The following TLL2 variants were observed in gnomAD, a reference collection of about 807,000 sequenced individuals.
TLL2 encodes the protein tolloid-like protein 2.
In TLL2, 106 loss-of-function variants were observed where a neutral mutation model predicts 123.0. The ratio of observed to expected loss-of-function variants is 0.86; its 90% CI spans 0.74 to 1.01. TLL2 has a LOEUF of 1.01. Ranked by LOEUF, TLL2 falls within the 50% of genes least tolerant of loss-of-function variation. The pLI is 0.00. For synonymous variants in TLL2, 494 were observed against 516.8 expected (o/e 0.96, Z 0.60); for missense variants, 1,332 against 1,336.7 (o/e 1.00, Z 0.06).
chr10:96,388,895 A>ACTT (rs1411591922), intron 13 of TLL2, among the ~76,000 whole-genome samples: 1 of 152,228 alleles, frequency 6.6e-6, no homozygotes, highest in African/African-American at 2.4e-5. Context: ...CTCAATAAAA[A>ACTT]CTTATATAAA....
rs148854755 is a variant in TLL2 at position 96,461,497 on chromosome 10, C to T, written c.287-15329G>A. Among the ~76,000 whole-genome samples, 655 of 152,288 alleles carry T rather than the reference C, an allele frequency of 4.3e-3. 4 individuals are homozygous for T. The highest frequency in any genetic ancestry group is 0.014 in the African/African-American group (592 of 41,556). On this transcript the variant is annotated intron_variant, in intron 2 of 20. Coordinates refer to ENST00000357947, the MANE Select transcript of TLL2 (RefSeq NM_012465.4). ...GCTCTGCCTGAATCTGATCCCAGCA[C>T]GCCTTTCCAACTTCTCTCCCCAACT...
chr10:96,377,443 G>C (rs1393365657), intron 17 of TLL2, among the ~76,000 whole-genome samples: 1 of 152,218 alleles, frequency 6.6e-6, no homozygotes, highest in Admixed American at 6.5e-5. Context: ...TGGCATCTTG[G>C]CCAATAGCTG....
intron 1 of TLL2, 33 bp downstream of exon 1, chr10:96,513,478 C>G (rs1010677277): frequency 6.2e-7 from 1 of 1,611,004 alleles, no homozygotes; most frequent in Non-Finnish European, 8.5e-7. Flanking sequence ...CAAAGGCAAA[C>G]TTCTGCGGGA....
In TLL2 at chr10:96,366,329, GA is replaced by G. The variant is rs1846025288; in HGVS notation, c.*1758del. The G allele has an allele frequency of 2.0e-5, 3 of 152,726 alleles. No homozygotes were observed. Among genetic ancestry groups the G allele is most frequent in the African/African-American group, 7.2e-5 (3 of 41,450 alleles). 9.5% of individuals were successfully genotyped at this position (152,726 alleles called of 1,614,324 possible). A position where few individuals can be genotyped will look rare whatever the true frequency, so the allele number is the denominator to read the frequency against. On this transcript the variant is annotated 3_prime_UTR_variant, in exon 21 of 21. Transcript: ENST00000357947. ...AGGCCAAAACAGAGCTTGGTGAAAG[GA>G]GAGGCAGGAAATGGAGAGCCAGTCC... is the stretch of plus-strand genomic sequence containing the variant.
chr10:96,459,127 T>G (rs1005353981), intron 2 of TLL2, among the ~76,000 whole-genome samples: 8 of 152,172 alleles, frequency 5.3e-5, no homozygotes, highest in African/African-American at 1.9e-4. Flanking sequence ...AAGGGGTAAA[T>G]GCTATGAATG....
At chr10:96,395,493 G>A (rs1846331851) in intron 12 of TLL2, 111 bp from the exon 13 acceptor site, 3 of 1,122,112 alleles carry the variant, frequency 2.7e-6, no homozygotes, top group Non-Finnish European at 3.7e-6. Flanking sequence ...GAGGCCAAAG[G>A]ACCCAAGTGT....
intron 7 of TLL2, among the ~76,000 whole-genome samples, chr10:96,416,271 C>T (rs567736872): frequency 5.3e-5 from 8 of 152,334 alleles, no homozygotes; most frequent in African/African-American, 1.9e-4. Context: ...AAGCACCCCA[C>T]GCTACCTGGC....
At chr10:96,449,539 C>T (rs771304127) in intron 2 of TLL2, among the ~76,000 whole-genome samples, 28 of 152,176 alleles carry the variant, frequency 1.8e-4, no homozygotes, top group Non-Finnish European at 3.5e-4. Flanking sequence ...CTCATGCTTC[C>T]AGCACTGTCT....
chr10:96,396,107 C>A (rs1357768154), intron 11 of TLL2, 87 bp from the exon 12 acceptor site: 4 of 1,515,404 alleles, frequency 2.6e-6, no homozygotes, highest in Admixed American at 1.9e-5. Context: ...GGGGGAACAG[C>A]GCTTGCCACC....
chr10:96,370,450 G>T, intron 19 of TLL2, 135 bp from the exon 20 acceptor site: 2 of 1,270,374 alleles, frequency 1.6e-6, no homozygotes, highest in Non-Finnish European at 2.1e-6. Flanking sequence ...CACCCCATTT[G>T]ATGGAGGAGT....
rs771034062 is a variant in TLL2 at position 96,395,317 on chromosome 10, ACT to A, written c.1594_1595del (p.Ser532CysfsTer10). ...AGCCACAAAAGTGGCCGATCAGGGC[ACT>A]CTCTTCCGTGGGGCCATCCCGGACT... ...LEVRDGPTEE[S>X]ALIGHFCGYE... On this transcript the variant is annotated frameshift_variant, in exon 13 of 21. Transcript: ENST00000357947. LOFTEE classifies it high-confidence loss of function. The A allele has an allele frequency of 5.6e-6, 9 of 1,613,744 alleles. No individual in the cohort carries two copies. The South Asian group carries it at 8.8e-5, about 16-fold the overall frequency.
intron 5 of TLL2, 104 bp from the exon 6 acceptor site, chr10:96,422,831 A>T: frequency 7.2e-7 from 1 of 1,391,710 alleles, no homozygotes; most frequent in East Asian, 2.3e-5. Flanking sequence ...GTGCATGTAA[A>T]AGAACAGAAT....
intron 13 of TLL2, among the ~76,000 whole-genome samples, chr10:96,387,864 C>A (rs1846252614): frequency 1.3e-5 from 2 of 152,120 alleles, no homozygotes; most frequent in African/African-American, 2.4e-5. Flanking sequence ...AAAAGAAAAA[C>A]CAAAACACAT....
chr10:96,396,615 TG>T (rs1488328711), intron 11 of TLL2, among the ~76,000 whole-genome samples: 2 of 106,472 alleles, frequency 1.9e-5, no homozygotes, highest in South Asian at 6.3e-4. Flanking sequence ...GAGGGTACGG[TG>T]GGGTGGGGAA....
intron 2 of TLL2, among the ~76,000 whole-genome samples, chr10:96,471,712 G>C (rs950327529): frequency 1.3e-5 from 2 of 152,174 alleles, no homozygotes; most frequent in African/African-American, 4.8e-5. Flanking sequence ...CAGAGCCAGA[G>C]ACGCAAACTC....
chr10:96,471,167 A>G (rs1379828908), intron 2 of TLL2, among the ~76,000 whole-genome samples: 1 of 151,506 alleles, frequency 6.6e-6, no homozygotes, highest in Non-Finnish European at 1.5e-5. Context: ...CACTTGGCTA[A>G]TTTTTTTTTG....
At chr10:96,459,731 T>TATATATAG (rs1847060433) in intron 2 of TLL2, among the ~76,000 whole-genome samples, 2 of 75,900 alleles carry the variant, frequency 2.6e-5, no homozygotes, top group Non-Finnish European at 5.3e-5. Context: ...TATATATATA[T>TATATATAG]AGCAGCTAAA....
At position 96,510,065 on chromosome 10, in the gene TLL2, A is replaced by G. The variant is rs575434096; in HGVS notation, c.175+3446T>C. Among the ~76,000 whole-genome samples the G allele has an allele frequency of 2.0e-5, 3 of 152,346 alleles. No homozygotes were observed. The East Asian group carries it at 5.8e-4, about 29-fold the overall frequency. Reference sequence around the variant, plus strand: ...GTAGATGAGCAGACTGAGACATGGAAAGGTAAAATGACTTGCTCAAGGCCA... The same window carrying G: ...GTAGATGAGCAGACTGAGACATGGAGAGGTAAAATGACTTGCTCAAGGCCA... On this transcript the variant is annotated intron_variant, in intron 1 of 20. Coordinates refer to ENST00000357947, the MANE Select transcript of TLL2 (RefSeq NM_012465.4).
Position 96,387,042 on chromosome 10 carries a change from C to T in TLL2, c.1763G>A (p.Cys588Tyr). The T allele has an allele frequency of 6.2e-7, 1 of 1,613,932 alleles. No individual in the cohort carries two copies. Among genetic ancestry groups the T allele is most frequent in the Non-Finnish European group, 8.5e-7 (1 of 1,180,022 alleles). ...CAGCGTGTTCACACAGCGATGCTCG[C>T]ACCCGCCGTGATCTGGCCAGGAACA... ...DECSWPDHGG[C>Y]EHRCVNTLGS... The change falls in exon 14 of 21, where the codon TGC (cysteine) becomes TAC (tyrosine). Residue 588 changes from cysteine to tyrosine, a missense_variant. Physicochemically the swap from Cys to Tyr is radical, Grantham distance 194. Coordinates refer to ENST00000357947, the MANE Select transcript of TLL2 (RefSeq NM_012465.4).
Sources: gnomAD v4.1 joint callset for allele counts (sites outside exome capture counted in the v4.1 genomes callset) on GRCh38, gnomAD v4.1.1 for gene constraint, MANE v1.5 for transcripts, NCBI Gene and HGNC (gene_info 2026-07-23, HGNC 2026-07-21) for gene names.